CPNE8: variants seen among roughly 807,000 people sequenced by gnomAD.
CPNE8 encodes copine-8.
Under a neutral mutation model 81.5 loss-of-function variants are expected in CPNE8, and 45 were observed. That is an observed-to-expected ratio of 0.55 (90% confidence interval 0.44 to 0.71). CPNE8 has a LOEUF of 0.71. Ranked by LOEUF, CPNE8 falls within the 30% of genes least tolerant of loss-of-function variation. The pLI, the probability that CPNE8 is intolerant of heterozygous loss-of-function variation, is 0.00. For missense variants in CPNE8, 594 were observed against 672.1 expected (o/e 0.88, Z 1.28); for synonymous variants, 252 against 226.3 (o/e 1.11, Z -1.02).
chr12:38,767,279 T>C (rs749523178), intron 8 of CPNE8, among the ~76,000 whole-genome samples: 45 of 152,074 alleles, frequency 3.0e-4, no homozygotes, highest in Admixed American at 6.5e-4. Context: ...ACAAGCTCCA[T>C]ATCCTTCTCT....
At chr12:38,811,035 T>C (rs185122000) in intron 6 of CPNE8, among the ~76,000 whole-genome samples, 58 of 152,214 alleles carry the variant, frequency 3.8e-4, no homozygotes, top group Admixed American at 3.3e-3. Context: ...AACGTATTAG[T>C]AACCTTAACT....
intron 6 of CPNE8, among the ~76,000 whole-genome samples, chr12:38,809,315 C>G (rs958714679): frequency 2.0e-5 from 3 of 152,144 alleles, no homozygotes; most frequent in Non-Finnish European, 4.4e-5. Context: ...TTCCACGTGG[C>G]CTCCATGTCT....
intron 7 of CPNE8, among the ~76,000 whole-genome samples, chr12:38,769,064 A>G (rs1274174268): frequency 2.0e-5 from 3 of 152,166 alleles, no homozygotes; most frequent in African/African-American, 7.2e-5. Flanking sequence ...TGCTACCTTT[A>G]TCATTCATTC....
intron 1 of CPNE8, among the ~76,000 whole-genome samples, chr12:38,901,657 A>C (rs1210853088): frequency 6.6e-6 from 1 of 152,222 alleles, no homozygotes; most frequent in Non-Finnish European, 1.5e-5. Flanking sequence ...GTCAAATAGC[A>C]GGAGCTTGCC....
At chr12:38,660,966 T>C (rs1184941617) in intron 19 of CPNE8, among the ~76,000 whole-genome samples, 1 of 152,180 alleles carries the variant, frequency 6.6e-6, no homozygotes, top group African/African-American at 2.4e-5. Context: ...CAACAGATGC[T>C]GGAGAGGATG....
At position 38,768,310 on chromosome 12, in the gene CPNE8, C is replaced by G. The variant is rs1010210105; in HGVS notation, c.472-572G>C. On this transcript the variant is annotated intron_variant, in intron 7 of 19. Coordinates refer to ENST00000331366, the MANE Select transcript of CPNE8 (RefSeq NM_153634.3). ...ATTTAAAAACAATTTTCTTCTGTAA[C>G]TGAAATTACAATTTGCATGTTAATT... Among the ~76,000 whole-genome samples, 11 of 152,026 alleles carry G rather than the reference C, an allele frequency of 7.2e-5. No homozygotes were observed. The East Asian group carries it at 9.7e-4, about 13-fold the overall frequency.
At chr12:38,817,537 T>C (rs2136999823) in intron 6 of CPNE8, among the ~76,000 whole-genome samples, 1 of 151,908 alleles carries the variant, frequency 6.6e-6, no homozygotes, top group South Asian at 2.1e-4. Flanking sequence ...TATTCTTGAC[T>C]CTTCAGTAAA....
intron 18 of CPNE8, 28 bp from the exon 19 acceptor site, chr12:38,670,830 C>A (rs1360422194): frequency 6.5e-7 from 1 of 1,543,408 alleles, no homozygotes; most frequent in Non-Finnish European, 8.9e-7. Context: ...ATCATTTATT[C>A]AGTACATTTT....
intron 16 of CPNE8, among the ~76,000 whole-genome samples, chr12:38,681,694 A>G (rs1044805165): frequency 6.6e-6 from 1 of 152,228 alleles, no homozygotes; most frequent in African/African-American, 2.4e-5. Flanking sequence ...AGGCTGCAGT[A>G]TGAAATCCTA....
In CPNE8 at chr12:38,832,590, C is replaced by T. The variant is rs151314635; in HGVS notation, c.331-3135G>A. ...GTGTAAGGCTATAGAAGACCTCGGC[C>T]TGTTGCTCTTGCAAATTCAGGTGAG... On this transcript the variant is annotated intron_variant, in intron 5 of 19. Coordinates refer to ENST00000331366, the MANE Select transcript of CPNE8 (RefSeq NM_153634.3). Among the ~76,000 whole-genome samples the T allele has an allele frequency of 6.0e-4, 92 of 152,312 alleles. No individual in the cohort carries two copies. In the East Asian group the frequency reaches 0.015, roughly 25 times the overall value.
At chr12:38,808,047 A>T (rs1036297290) in intron 6 of CPNE8, among the ~76,000 whole-genome samples, 53 of 152,174 alleles carry the variant, frequency 3.5e-4, no homozygotes, top group African/African-American at 1.0e-3. Context: ...TCAAAACCAC[A>T]ATGAGATATC....
intron 10 of CPNE8, among the ~76,000 whole-genome samples, chr12:38,742,254 A>G (rs1941124853): frequency 6.6e-6 from 1 of 152,158 alleles, no homozygotes; most frequent in Non-Finnish European, 1.5e-5. Flanking sequence ...CACTATTCAC[A>G]ATAGCAAAGA....
In CPNE8 at chr12:38,722,616, A is replaced by G. The variant is rs1940594009; in HGVS notation, c.914+1156T>C. Among the ~76,000 whole-genome samples the G allele has an allele frequency of 2.0e-5, 3 of 152,320 alleles. No individual in the cohort carries two copies. The South Asian group carries it at 6.2e-4, about 32-fold the overall frequency. ...GTGATATCTCTGACTGTTATTCATC[A>G]TGAAGTTACTAAACACATTCAAATT... On this transcript the variant is annotated intron_variant, in intron 13 of 19. Coordinates refer to ENST00000331366, the MANE Select transcript of CPNE8 (RefSeq NM_153634.3).
At chr12:38,895,809 G>A (rs962040920) in intron 1 of CPNE8, among the ~76,000 whole-genome samples, 4 of 151,942 alleles carry the variant, frequency 2.6e-5, no homozygotes, top group African/African-American at 9.7e-5. Context: ...TCTTCAAGCC[G>A]ACAATAAAGA....
intron 5 of CPNE8, among the ~76,000 whole-genome samples, chr12:38,834,482 C>A (rs1943349526): frequency 6.6e-6 from 1 of 152,146 alleles, no homozygotes; most frequent in Non-Finnish European, 1.5e-5. Context: ...TATTTTTACA[C>A]TGGACATCCA....
intron 6 of CPNE8, among the ~76,000 whole-genome samples, chr12:38,786,679 TA>T (rs1942195202): frequency 6.6e-6 from 1 of 151,722 alleles, no homozygotes; most frequent in South Asian, 2.1e-4. Context: ...CAAATAAGAG[TA>T]GGAGCAGGTA....
intron 10 of CPNE8, 25 bp from the exon 11 acceptor site, chr12:38,730,383 T>TA (rs763320469): frequency 7.9e-7 from 1 of 1,270,966 alleles, no homozygotes; most frequent in Admixed American, 1.8e-5. Context: ...AAAAAGTACA[T>TA]AATATTGGCT....
Position 38,689,960 on chromosome 12 carries a change from C to G in CPNE8, c.1143+3697G>C, listed in dbSNP as rs192226015. On this transcript the variant is annotated intron_variant, in intron 15 of 19. Transcript: ENST00000331366. ...AAATTCTTCCTTTCCTCTCCCATTC[C>G]TTTTCCTTTTCTCATAGTGTGTCTC... Among the ~76,000 whole-genome samples, 411 of 152,284 alleles carry G rather than the reference C, an allele frequency of 2.7e-3. 1 individual carries two copies. Among genetic ancestry groups the G allele is most frequent in the African/African-American group, 9.4e-3 (392 of 41,566 alleles).
At chr12:38,744,253 C>G (rs1242534584) in intron 10 of CPNE8, among the ~76,000 whole-genome samples, 1 of 152,122 alleles carries the variant, frequency 6.6e-6, no homozygotes, top group Non-Finnish European at 1.5e-5. Flanking sequence ...TTGGTGTAAT[C>G]TGAAATATTT....
Sources: gnomAD v4.1 joint callset for allele counts (sites outside exome capture counted in the v4.1 genomes callset) on GRCh38, gnomAD v4.1.1 for gene constraint, MANE v1.5 for transcripts, NCBI Gene and HGNC (gene_info 2026-07-23, HGNC 2026-07-21) for gene names.